ANXA4: variants seen among roughly 807,000 people sequenced by gnomAD.
The protein encoded by ANXA4 is 35-beta calcimedin.
ANXA4 carries 39 observed loss-of-function variants against 49.8 expected under a neutral mutation model. The ratio of observed to expected loss-of-function variants is 0.78; its 90% confidence interval spans 0.61 to 1.02. The LOEUF (loss-of-function observed/expected upper bound fraction) is 1.02, where lower values mean the gene tolerates loss of function less well. ANXA4 is among the 50% of genes least tolerant of loss of function. The pLI is 0.00. For synonymous variants in ANXA4, 134 were observed against 152.5 expected (o/e 0.88, Z 0.89); for missense variants, 360 against 410.1 (o/e 0.88, Z 1.05).
chr2:69,726,496 C>T lies in ANXA4; in HGVS notation n.864+5625C>T, dbSNP rs999489432. On this transcript the variant is annotated intron_variant and non_coding_transcript_variant, in intron 3 of 3. Coordinates refer to the ANXA4 transcript ENST00000418066. Reference sequence around the variant, plus strand: ...CTATGCTAGAAAAATGCGATGATTTCGCCTAAAAGATTGACTTCTTTAATA... The same window carrying T: ...CTATGCTAGAAAAATGCGATGATTTTGCCTAAAAGATTGACTTCTTTAATA... Among the ~76,000 whole-genome samples, 18 of 152,260 alleles carry T rather than the reference C, an allele frequency of 1.2e-4. No individual in the cohort carries two copies. The East Asian group carries it at 2.5e-3, about 21-fold the overall frequency.
chr2:69,755,064 A>G (rs1208542378), intron 1 of ANXA4, among the ~76,000 whole-genome samples: 1 of 152,276 alleles, frequency 6.6e-6, no homozygotes. Context: ...CCTTGAAAAC[A>G]TGCTAAGTGA....
At chr2:69,820,947 A>G (rs1288676618) in intron 12 of ANXA4, 126 bp downstream of exon 12, 3 of 1,048,948 alleles carry the variant, frequency 2.9e-6, no homozygotes, top group Non-Finnish European at 4.0e-6. Context: ...TATGCTCCCG[A>G]TATTTCCAGT....
chr2:69,771,109 G>GAAAAAAAAAAAAAAAAAAAA (rs70954358), intron 1 of ANXA4, among the ~76,000 whole-genome samples: 1 of 104,750 alleles, frequency 9.5e-6, no homozygotes. Context: ...AAAAAAAAAA[G>GAAAAAAAAAAAAAAAAAAAA]AAAAAAAAAA....
intron 9 of ANXA4, 67 bp from the exon 10 acceptor site, chr2:69,818,532 T>C: frequency 9.8e-7 from 1 of 1,018,754 alleles, no homozygotes; most frequent in Non-Finnish European, 1.5e-6. Flanking sequence ...AAATGCTCAT[T>C]CTCTCCATAA....
At chr2:69,653,821 A>G (rs966340095) in intron 2 of ANXA4, among the ~76,000 whole-genome samples, 4 of 152,270 alleles carry the variant, frequency 2.6e-5, no homozygotes, top group Non-Finnish European at 5.9e-5. Context: ...TTCTGTGAAG[A>G]AAGCCAATGG....
chr2:69,799,513 A>G (rs977784955), intron 3 of ANXA4, among the ~76,000 whole-genome samples: 3 of 152,282 alleles, frequency 2.0e-5, no homozygotes, highest in Admixed American at 6.5e-5. Context: ...AAAGGGAGCT[A>G]TTTTTGAGCT....
In ANXA4 at chr2:69,819,278, A is replaced by T; in HGVS notation, c.725-2A>T. 6.3e-7 allele frequency: 1 copy of T among 1,596,178 alleles called. No individual in the cohort carries two copies. The highest frequency in any genetic ancestry group is 2.2e-5 in the East Asian group (1 of 44,644). On this transcript the variant is annotated splice_acceptor_variant, in intron 10 of 12. Transcript: ENST00000394295. LOFTEE classifies it high-confidence loss of function. ...CATTTCTTCTTTTTTTTTCTTTGAC[A>T]GTAAAGTGCATGAGGAACAAATCTG...
chr2:69,748,521 T>C (rs1027206519), intron 1 of ANXA4, among the ~76,000 whole-genome samples: 4 of 150,722 alleles, frequency 2.7e-5, no homozygotes, highest in African/African-American at 9.7e-5. Flanking sequence ...AACTATCTTT[T>C]ATAAATTATA....
chr2:69,673,943 C>T (rs1308733575), intron 2 of ANXA4: 1 of 152,184 alleles, frequency 6.6e-6, no homozygotes, highest in Non-Finnish European at 1.5e-5. Flanking sequence ...TTACCCTACA[C>T]GAGGCTTTGG....
upstream of ANXA4, among the ~76,000 whole-genome samples, chr2:69,740,744 G>A (rs1250129695): frequency 7.8e-6 from 1 of 128,136 alleles, no homozygotes; most frequent in African/African-American, 3.0e-5. Flanking sequence ...GTGCAGTGGC[G>A]CAATCTCAGC....
chr2:69,750,906 C>T (rs1172932653), intron 1 of ANXA4, among the ~76,000 whole-genome samples: 1 of 152,168 alleles, frequency 6.6e-6, no homozygotes, highest in Non-Finnish European at 1.5e-5. Flanking sequence ...GGCTTTGGAG[C>T]CTGGACCCCT....
intron 1 of ANXA4, among the ~76,000 whole-genome samples, chr2:69,651,676 G>A (rs1033958545): frequency 4.0e-5 from 6 of 151,720 alleles, no homozygotes; most frequent in African/African-American, 1.5e-4. Flanking sequence ...CTAATTTTTT[G>A]TATTTTTAGT....
intron 2 of ANXA4, 130 bp downstream of exon 2, chr2:69,781,704 G>A (rs1672207165): frequency 9.3e-7 from 1 of 1,079,822 alleles, no homozygotes; most frequent in Non-Finnish European, 1.4e-6. Context: ...ACATGAAAAG[G>A]CAGGTCTATT....
chr2:69,656,972 T>G (rs1460215818), intron 2 of ANXA4, among the ~76,000 whole-genome samples: 2 of 151,978 alleles, frequency 1.3e-5, no homozygotes, highest in East Asian at 3.9e-4. Flanking sequence ...CTTTACAATG[T>G]TTTTACTGAT....
At chr2:69,770,659 ACTCT>A (rs151122427) in intron 1 of ANXA4, among the ~76,000 whole-genome samples, 1,842 of 151,754 alleles carry the variant, frequency 0.012, 50 homozygotes, top group African/African-American at 0.042. Flanking sequence ...ACCCAGAGAA[ACTCT>A]CTCTCAGCAC....
rs565683517 is a variant in ANXA4 at position 69,767,768 on chromosome 2, T to G, written c.-46-13752T>G. The stretch of plus-strand genomic sequence containing the variant: ...GGACGGTTTTTGTTGTTGTTTTGTT[T>G]TTTGCATCCAGCTTGTTAAAAGATA... On this transcript the variant is annotated intron_variant, in intron 1 of 12. Transcript: ENST00000394295. Among the ~76,000 whole-genome samples, 6 of 152,330 alleles carry G rather than the reference T, an allele frequency of 3.9e-5. No homozygotes were observed. In the East Asian group the frequency reaches 1.2e-3, roughly 29 times the overall value.
intron 1 of ANXA4, among the ~76,000 whole-genome samples, chr2:69,649,603 C>CTTTTT (rs766975640): frequency 1.1e-4 from 8 of 70,658 alleles, no homozygotes; most frequent in South Asian, 4.6e-4. Flanking sequence ...GATTTTCTTT[C>CTTTTT]TTTTTTTTTT....
chr2:69,739,214 C>T (rs762648274), upstream of ANXA4, among the ~76,000 whole-genome samples: 16 of 152,162 alleles, frequency 1.1e-4, no homozygotes, highest in Non-Finnish European at 2.2e-4. Context: ...AGCAAACTCT[C>T]CTATCCCGAG....
At chr2:69,648,338 C>T (rs191412583) in intron 1 of ANXA4, among the ~76,000 whole-genome samples, 360 of 152,270 alleles carry the variant, frequency 2.4e-3, no homozygotes, top group Admixed American at 3.9e-3. Context: ...TCTATGTTGC[C>T]GTCTTTTAGC....
Sources: gnomAD v4.1 joint callset for allele counts (sites outside exome capture counted in the v4.1 genomes callset) on GRCh38, gnomAD v4.1.1 for gene constraint, MANE v1.5 for transcripts, NCBI Gene and HGNC (gene_info 2026-07-23, HGNC 2026-07-21) for gene names.